Variants in BMERB1 observed in about 807,000 individuals in gnomAD.
The protein encoded by BMERB1 is bMERB domain-containing protein 1.
BMERB1 carries 12 observed loss-of-function variants against 23.6 expected under a neutral mutation model. The ratio of observed to expected loss-of-function variants is 0.51; its 90% CI spans 0.33 to 0.82. The LOEUF (loss-of-function observed/expected upper bound fraction) is 0.82, where lower values mean the gene tolerates loss of function less well. BMERB1 is among the 40% of genes least tolerant of loss of function. BMERB1 has a pLI of 0.03. For synonymous variants in BMERB1, 122 were observed against 96.6 expected (o/e 1.26, Z -1.54); for missense variants, 247 against 255.4 (o/e 0.97, Z 0.22).
At chr16:15,502,152 T>G (rs1430860252) in intron 1 of BMERB1, 1 of 749,838 alleles carries the variant, frequency 1.3e-6, no homozygotes, top group Non-Finnish European at 2.2e-6. Flanking sequence ...CGTCTTCACG[T>G]GCTGTTGGTG....
chr16:15,468,143 T>C (rs1346750767), intron 1 of BMERB1, among the ~76,000 whole-genome samples: 56 of 73,510 alleles, frequency 7.6e-4, no homozygotes, highest in South Asian at 1.8e-3. Flanking sequence ...TTCTTTTTTT[T>C]TTTTTTTTTT....
chr16:15,543,575 C>G (rs1444707375), intron 2 of BMERB1, among the ~76,000 whole-genome samples: 1 of 152,076 alleles, frequency 6.6e-6, no homozygotes, highest in Non-Finnish European at 1.5e-5. Flanking sequence ...AATCCCAGCA[C>G]TTTGGGAGGT....
At chr16:15,447,322 G>A (rs573484904) in intron 1 of BMERB1, among the ~76,000 whole-genome samples, 7 of 152,194 alleles carry the variant, frequency 4.6e-5, no homozygotes, top group African/African-American at 1.2e-4. Context: ...TGGCAGGAGA[G>A]AGTGACAGAG....
intron 1 of BMERB1, among the ~76,000 whole-genome samples, chr16:15,512,208 G>A (rs1222825095): frequency 6.6e-6 from 1 of 152,030 alleles, no homozygotes; most frequent in Non-Finnish European, 1.5e-5. Flanking sequence ...GGTAGGTAAT[G>A]GAAAGGAACT....
intron 2 of BMERB1, among the ~76,000 whole-genome samples, chr16:15,516,983 G>A (rs745379303): frequency 2.0e-5 from 3 of 152,006 alleles, no homozygotes; most frequent in African/African-American, 4.8e-5. Context: ...CTTCCCTCTC[G>A]CCACATAAAA....
intron 1 of BMERB1, among the ~76,000 whole-genome samples, chr16:15,468,328 T>C (rs891971744): frequency 6.6e-6 from 1 of 151,738 alleles, no homozygotes; most frequent in African/African-American, 2.4e-5. Context: ...GTATTTTTTG[T>C]AGAGATGGGG....
At chr16:15,469,110 C>T (rs889196618) in intron 1 of BMERB1, among the ~76,000 whole-genome samples, 3 of 151,716 alleles carry the variant, frequency 2.0e-5, no homozygotes, top group African/African-American at 4.8e-5. Context: ...ACTACAAGTG[C>T]GTGCCACCAC....
intron 1 of BMERB1, among the ~76,000 whole-genome samples, chr16:15,439,489 C>A (rs1437124571): frequency 2.0e-5 from 3 of 152,170 alleles, no homozygotes; most frequent in African/African-American, 7.2e-5. Flanking sequence ...CCCAAACTCA[C>A]CAGTTACAGC....
At chr16:15,532,537 T>G (rs1373766996) in intron 2 of BMERB1, among the ~76,000 whole-genome samples, 1 of 137,498 alleles carries the variant, frequency 7.3e-6, no homozygotes, top group Non-Finnish European at 1.5e-5. Flanking sequence ...CTTTTTTTTT[T>G]CTTTTTCTTT....
intron 1 of BMERB1, among the ~76,000 whole-genome samples, chr16:15,509,072 TC>T (rs949187590): frequency 7.9e-5 from 12 of 151,708 alleles, no homozygotes; most frequent in Admixed American, 2.6e-4. Flanking sequence ...GCCTCCATCC[TC>T]CCCCGGGGAT....
rs1239924153 is a variant in BMERB1 at position 15,587,463 on chromosome 16, T to C, written c.*634T>C. 1 of 377,068 alleles carries C rather than the reference T, an allele frequency of 2.7e-6. No homozygotes were observed. The highest frequency in any genetic ancestry group is 8.3e-5 in the East Asian group (1 of 12,058). The allele number at this position is 377,068 out of a possible 1,614,324, so 23.4% of individuals were successfully genotyped here. On this transcript the variant is annotated 3_prime_UTR_variant, in exon 6 of 6. Coordinates refer to ENST00000300006, the MANE Select transcript of BMERB1 (RefSeq NM_033201.3). ...CCCCCCATCCTGTGTCTGGGCACAGTTCACATCAGGACAGCGTCCATTGTG... is the reference window on the plus strand; with the variant it reads ...CCCCCCATCCTGTGTCTGGGCACAGCTCACATCAGGACAGCGTCCATTGTG...
At chr16:15,557,623 GTGACCA>G (rs1390269923) in intron 2 of BMERB1, among the ~76,000 whole-genome samples, 1 of 152,152 alleles carries the variant, frequency 6.6e-6, no homozygotes. Context: ...TAAATCTTGG[GTGACCA>G]GCTGTCTCTG....
chr16:15,586,766 G>C lies in BMERB1; in HGVS notation c.552G>C (p.Val184=), dbSNP rs138950756. The change falls in exon 6 of 6, where the codon GTG becomes GTC. Residue 184 remains valine (V), a synonymous_variant. Transcript: ENST00000300006. The part of the protein sequence containing the change: ...KAEPPPSKPT[V]AKTGLALIKD... ...AGCCCCCACCTAGCAAGCCCACGGTGGCCAAGACGGGGCTGGCACTGATCA... is the reference window on the plus strand; with the variant it reads ...AGCCCCCACCTAGCAAGCCCACGGTCGCCAAGACGGGGCTGGCACTGATCA... 48 of 1,612,556 alleles carry C rather than the reference G, an allele frequency of 3.0e-5. No homozygotes were observed. The highest frequency in any genetic ancestry group is 4.1e-5 in the Non-Finnish European group (48 of 1,179,622).
chr16:15,573,098 G>T (rs987092523), intron 3 of BMERB1, among the ~76,000 whole-genome samples: 2 of 152,032 alleles, frequency 1.3e-5, no homozygotes, highest in African/African-American at 4.8e-5. Context: ...ATACAACTAG[G>T]GTCTGCTTTC....
chr16:15,567,394 T>C (rs1002622046), intron 2 of BMERB1, among the ~76,000 whole-genome samples: 3 of 152,070 alleles, frequency 2.0e-5, no homozygotes, highest in Non-Finnish European at 2.9e-5. Context: ...AACCCACTTA[T>C]ATAAGCAAAC....
At chr16:15,473,181 T>A (rs1385265522) in intron 1 of BMERB1, among the ~76,000 whole-genome samples, 2 of 151,780 alleles carry the variant, frequency 1.3e-5, no homozygotes, top group Non-Finnish European at 2.9e-5. Context: ...TTAAAAAAAA[T>A]TATTATTGAT....
At chr16:15,543,442 C>G (rs1232309148) in intron 2 of BMERB1, among the ~76,000 whole-genome samples, 1 of 152,084 alleles carries the variant, frequency 6.6e-6, no homozygotes, top group African/African-American at 2.4e-5. Context: ...ACCTGGGACC[C>G]TGTCCTTCTG....
At chr16:15,465,326 C>T (rs1046345344) in intron 1 of BMERB1, among the ~76,000 whole-genome samples, 1 of 150,514 alleles carries the variant, frequency 6.6e-6, no homozygotes, top group Non-Finnish European at 1.5e-5. Context: ...TATCCATCAT[C>T]CAAATTTGGT....
chr16:15,539,798 G>A (rs1043246597), intron 2 of BMERB1, among the ~76,000 whole-genome samples: 7 of 150,780 alleles, frequency 4.6e-5, no homozygotes, highest in Non-Finnish European at 1.0e-4. Flanking sequence ...AGCCGAGATC[G>A]TACCACTGCA....
Sources: allele counts gnomAD v4.1 joint callset (sites outside exome capture counted in the v4.1 genomes callset), GRCh38; gene constraint gnomAD v4.1.1; transcripts MANE v1.5; gene names NCBI Gene and HGNC (gene_info 2026-07-23, HGNC 2026-07-21).